DLGAP2: variants seen among roughly 807,000 people sequenced by gnomAD.
The protein encoded by DLGAP2 is DLG associated protein 2.
A neutral mutation model predicts 100.3 loss-of-function variants in DLGAP2; 26 were observed. The observed-to-expected ratio is 0.26, with a 90% CI of 0.19 to 0.36. The LOEUF (loss-of-function observed/expected upper bound fraction) is 0.36, where lower values mean the gene tolerates loss of function less well. Among genes scored for constraint, DLGAP2 ranks in the 10% least tolerant of loss-of-function variants. The pLI is 1.00. For synonymous variants in DLGAP2, 886 were observed against 630.1 expected (o/e 1.41, Z -6.08); for missense variants, 1,858 against 1,453.2 (o/e 1.28, Z -4.53).
At chr8:1,364,218 G>C (rs1802053797) in intron 3 of DLGAP2, among the ~76,000 whole-genome samples, 1 of 152,194 alleles carries the variant, frequency 6.6e-6, no homozygotes. Context: ...GGTGCCCCCG[G>C]GCTGGATCCC....
At chr8:1,466,555 G>A (rs1246053076) in intron 3 of DLGAP2, among the ~76,000 whole-genome samples, 1 of 151,906 alleles carries the variant, frequency 6.6e-6, no homozygotes, top group South Asian at 2.1e-4. Context: ...ATGTGTGTGT[G>A]TCTGGCCCAT....
At chr8:1,250,899 C>G (rs902326994) in intron 2 of DLGAP2, among the ~76,000 whole-genome samples, 2 of 152,132 alleles carry the variant, frequency 1.3e-5, no homozygotes, top group Non-Finnish European at 2.9e-5. Context: ...CCTTAGGCGG[C>G]TTTGTTGTGT....
At chr8:1,445,578 G>A (rs1377883913) in intron 3 of DLGAP2, among the ~76,000 whole-genome samples, 1 of 152,160 alleles carries the variant, frequency 6.6e-6, no homozygotes, top group African/African-American at 2.4e-5. Flanking sequence ...ATAGCAGCAT[G>A]ATTTATAATC....
intron 2 of DLGAP2, among the ~76,000 whole-genome samples, chr8:1,122,052 G>A (rs1021425074): frequency 6.6e-6 from 1 of 152,218 alleles, no homozygotes; most frequent in East Asian, 1.9e-4. Flanking sequence ...TTTGCCCCTC[G>A]TGGTAATGCC....
At chr8:752,538 C>G (rs1338595446) in intron 1 of DLGAP2, among the ~76,000 whole-genome samples, 2 of 152,188 alleles carry the variant, frequency 1.3e-5, no homozygotes, top group African/African-American at 2.4e-5. Flanking sequence ...GGGGTCAGCA[C>G]CAGCCGCCTA....
At chr8:1,177,741 T>A (rs1394651533) in intron 2 of DLGAP2, among the ~76,000 whole-genome samples, 3 of 152,170 alleles carry the variant, frequency 2.0e-5, no homozygotes, top group Non-Finnish European at 2.9e-5. Flanking sequence ...GTTCGATGTC[T>A]GGTGAGGGCT....
chr8:854,931 G>A (rs1235402896), intron 1 of DLGAP2, among the ~76,000 whole-genome samples: 1 of 152,252 alleles, frequency 6.6e-6, no homozygotes, highest in Non-Finnish European at 1.5e-5. Context: ...TTGTGGAAAG[G>A]TGGTGCTGGC....
chr8:816,771 G>A (rs951132485), intron 1 of DLGAP2, among the ~76,000 whole-genome samples: 4 of 152,166 alleles, frequency 2.6e-5, no homozygotes, highest in Admixed American at 2.6e-4. Flanking sequence ...TAGATCTCTA[G>A]TAAAAACAGG....
At chr8:1,474,876 A>G (rs1452304558) in intron 3 of DLGAP2, among the ~76,000 whole-genome samples, 3 of 152,238 alleles carry the variant, frequency 2.0e-5, no homozygotes, top group South Asian at 2.1e-4. Flanking sequence ...TAATGCTATT[A>G]CTAGGTATAT....
At chr8:1,261,886 A>T (rs1028821803) in intron 3 of DLGAP2, among the ~76,000 whole-genome samples, 1 of 152,210 alleles carries the variant, frequency 6.6e-6, no homozygotes, top group African/African-American at 2.4e-5. Flanking sequence ...CATAAATGTC[A>T]TGGCACAGAA....
intron 7 of DLGAP2, among the ~76,000 whole-genome samples, 164 bp from the exon 8 acceptor site, chr8:1,632,663 T>C (rs1797675941): frequency 6.6e-6 from 1 of 152,228 alleles, no homozygotes; most frequent in Non-Finnish European, 1.5e-5. Context: ...CCCAATGCTG[T>C]ATTTCCCAAG....
intron 1 of DLGAP2, among the ~76,000 whole-genome samples, chr8:859,052 TC>T: frequency 6.6e-6 from 1 of 152,224 alleles, no homozygotes; most frequent in Non-Finnish European, 1.5e-5. Flanking sequence ...AAAAAATACA[TC>T]GACATTCTTA....
intron 2 of DLGAP2, among the ~76,000 whole-genome samples, chr8:998,066 C>T (rs562558417): frequency 1.7e-4 from 26 of 152,264 alleles, no homozygotes; most frequent in African/African-American, 5.8e-4. Flanking sequence ...GAAACATATA[C>T]ACATGCATGT....
intron 2 of DLGAP2, among the ~76,000 whole-genome samples, chr8:969,352 C>T (rs958444258): frequency 6.6e-6 from 1 of 152,080 alleles, no homozygotes; most frequent in Non-Finnish European, 1.5e-5. Context: ...ACCCTCCATG[C>T]GCGAGTGAGC....
intron 3 of DLGAP2, among the ~76,000 whole-genome samples, chr8:1,272,977 G>A (rs1426632414): frequency 8.5e-5 from 13 of 152,246 alleles, no homozygotes; most frequent in South Asian, 2.1e-4. Context: ...AGGAATGTTC[G>A]GAGTGTGCTG....
chr8:1,492,164 C>G (rs1289923215), intron 3 of DLGAP2, among the ~76,000 whole-genome samples: 1 of 152,110 alleles, frequency 6.6e-6, no homozygotes, highest in Non-Finnish European at 1.5e-5. Flanking sequence ...GATCCTCGGT[C>G]CAAAATAAAA....
chr8:1,051,568 G>T (rs1388074091), intron 2 of DLGAP2, among the ~76,000 whole-genome samples: 2 of 152,202 alleles, frequency 1.3e-5, no homozygotes, highest in Admixed American at 6.5e-5. Flanking sequence ...ATTTACACAT[G>T]CACAAATAGA....
At chr8:1,245,077 G>A (rs1210969884) in intron 2 of DLGAP2, among the ~76,000 whole-genome samples, 1 of 152,140 alleles carries the variant, frequency 6.6e-6, no homozygotes, top group African/African-American at 2.4e-5. Flanking sequence ...GGCCATAATG[G>A]CAGAGACAGA....
intron 2 of DLGAP2, among the ~76,000 whole-genome samples, chr8:1,062,642 C>G (rs998650199): frequency 3.3e-5 from 5 of 152,182 alleles, no homozygotes; most frequent in Admixed American, 1.3e-4. Flanking sequence ...ATGTTTTTCC[C>G]TTGCCCTCCC....
Sources: allele counts gnomAD v4.1 joint callset (sites outside exome capture counted in the v4.1 genomes callset), GRCh38; gene constraint gnomAD v4.1.1; transcripts MANE v1.5; gene names NCBI Gene and HGNC (gene_info 2026-07-23, HGNC 2026-07-21).